Variants in DDX31 observed in about 807,000 individuals in gnomAD.
DDX31 encodes the protein ATP-dependent DNA helicase DDX31.
DDX31 carries 70 observed loss-of-function variants against 91.3 expected under a neutral mutation model. The observed-to-expected ratio is 0.77, with a 90% CI of 0.63 to 0.94. The LOEUF (loss-of-function observed/expected upper bound fraction) is 0.94, where lower values mean the gene tolerates loss of function less well. DDX31 is among the 40% of genes least tolerant of loss of function. The pLI, the probability that DDX31 is intolerant of heterozygous loss-of-function variation, is 0.00. For synonymous variants in DDX31, 362 were observed against 350.6 expected, an observed-to-expected ratio of 1.03 and a Z score of -0.36; for missense variants, 902 against 925.0, an observed-to-expected ratio of 0.98 and a Z score of 0.32.
chr9:132,634,619 G>T (rs1414814137), intron 14 of DDX31, among the ~76,000 whole-genome samples: 1 of 139,444 alleles, frequency 7.2e-6, no homozygotes, highest in African/African-American at 2.7e-5. Flanking sequence ...TAAAGATGGG[G>T]TCTCATTCTG....
At chr9:132,667,382 C>T (rs1053168227) in intron 1 of DDX31, among the ~76,000 whole-genome samples, 11 of 151,728 alleles carry the variant, frequency 7.2e-5, no homozygotes, top group African/African-American at 2.7e-4. Context: ...GGGCAGATCA[C>T]AAGGTCGGGA....
intron 6 of DDX31, chr9:132,658,204 CTG>C: frequency 1.5e-6 from 1 of 686,898 alleles, no homozygotes; most frequent in Non-Finnish European, 2.7e-6. Context: ...TTAACCTTCA[CTG>C]TAAGTCTTCA....
intron 17 of DDX31, among the ~76,000 whole-genome samples, chr9:132,618,731 T>C (rs140082774): frequency 4.9e-4 from 75 of 152,360 alleles, no homozygotes; most frequent in African/African-American, 1.6e-3. Flanking sequence ...GGAGACACTT[T>C]GGAATTTTCC....
chr9:132,611,621 C>T (rs1192449575), intron 19 of DDX31, among the ~76,000 whole-genome samples: 3 of 152,040 alleles, frequency 2.0e-5, no homozygotes, highest in African/African-American at 7.2e-5. Flanking sequence ...ACCGCTCTTG[C>T]CTTGATGAGC....
intron 14 of DDX31, among the ~76,000 whole-genome samples, chr9:132,636,281 AT>A (rs1232903978): frequency 2.0e-5 from 3 of 152,244 alleles, no homozygotes; most frequent in Non-Finnish European, 4.4e-5. Context: ...GATGTTCTCT[AT>A]CTAAAGGGGA....
In DDX31 at chr9:132,633,041, C is replaced by T. The variant is rs535459215; in HGVS notation, c.1441-950G>A. Among the ~76,000 whole-genome samples, 10 of 152,308 alleles carry T rather than the reference C, an allele frequency of 6.6e-5. No individual in the cohort carries two copies. The South Asian group carries it at 1.2e-3, about 19-fold the overall frequency. On this transcript the variant is annotated intron_variant, in intron 14 of 19. Coordinates refer to ENST00000372159, the MANE Select transcript of DDX31 (RefSeq NM_022779.9). ...AACACTTACTACCCACCACACACTG[C>T]GCTGAGACCTTTACCTGCGTTATCT...
intron 19 of DDX31, among the ~76,000 whole-genome samples, chr9:132,602,131 C>A (rs1294951201): frequency 6.6e-6 from 1 of 152,166 alleles, no homozygotes; most frequent in Admixed American, 6.5e-5. Flanking sequence ...GAAATAAGAC[C>A]AAAGGGTGGA....
chr9:132,637,360 C>T (rs186469406), intron 14 of DDX31, among the ~76,000 whole-genome samples: 18 of 152,378 alleles, frequency 1.2e-4, no homozygotes, highest in Admixed American at 2.6e-4. Flanking sequence ...TTCTGAAAGA[C>T]ACTCAACGGT....
chr9:132,616,684 A>C (rs1244069968), intron 18 of DDX31, among the ~76,000 whole-genome samples: 1 of 152,224 alleles, frequency 6.6e-6, no homozygotes, highest in African/African-American at 2.4e-5. Flanking sequence ...ATTCCTCTTG[A>C]GAGACACAGA....
At chr9:132,610,959 G>A (rs997342927) in intron 19 of DDX31, among the ~76,000 whole-genome samples, 3 of 152,130 alleles carry the variant, frequency 2.0e-5, no homozygotes, top group Non-Finnish European at 4.4e-5. Flanking sequence ...TGTCTTTGCC[G>A]TGACAGGCTA....
chr9:132,632,276 A>ACACACACACACACAGTCCTG (rs1832829223), intron 14 of DDX31, among the ~76,000 whole-genome samples, 185 bp from the exon 15 acceptor site: 1 of 148,148 alleles, frequency 6.8e-6, no homozygotes, highest in South Asian at 2.1e-4. Flanking sequence ...ACACACACAC[A>ACACACACACACACAGTCCTG]CACACACACA....
chr9:132,617,453 T>C (rs1831713447), intron 18 of DDX31, among the ~76,000 whole-genome samples: 1 of 152,094 alleles, frequency 6.6e-6, no homozygotes, highest in Non-Finnish European at 1.5e-5. Context: ...TGTTTTGATC[T>C]CGCATGCATT....
At chr9:132,669,607 T>C in intron 1 of DDX31, 1 of 1,517,202 alleles carries the variant, frequency 6.6e-7, no homozygotes. Flanking sequence ...TTCCTTTACT[T>C]TTCTAGGCGC....
At position 132,666,252 on chromosome 9, in the gene DDX31, C is replaced by T. The variant is rs183365237; in HGVS notation, c.76-3557G>A. On this transcript the variant is annotated intron_variant, in intron 1 of 19. Transcript: ENST00000372159. ...TTGTATTGGTCTGCTTCTGGGCTCT[C>T]TTTTCTCCTTTGCTGGTCAATTTGT... Among the ~76,000 whole-genome samples the T allele has an allele frequency of 5.9e-3, 895 of 152,092 alleles. 7 individuals carry two copies. The highest frequency in any genetic ancestry group is 0.014 in the Middle Eastern group (4 of 294).
chr9:132,645,741 C>G (rs897167612), intron 13 of DDX31, among the ~76,000 whole-genome samples, 154 bp downstream of exon 13: 3 of 152,184 alleles, frequency 2.0e-5, no homozygotes, highest in African/African-American at 7.2e-5. Context: ...TTCAGTGGGT[C>G]ACCCATTTTC....
chr9:132,662,188 C>A, intron 3 of DDX31, 73 bp downstream of exon 3: 11 of 1,469,654 alleles, frequency 7.5e-6, no homozygotes, highest in Non-Finnish European at 9.4e-6. Context: ...CCTAGAGCGG[C>A]CATTTCACAG....
At chr9:132,669,546 T>C in intron 1 of DDX31, 1 of 1,427,484 alleles carries the variant, frequency 7.0e-7, no homozygotes, top group Non-Finnish European at 9.3e-7. Flanking sequence ...GGCCTGGGAC[T>C]TGCGCCGGAA....
intron 8 of DDX31, 35 bp from the exon 9 acceptor site, chr9:132,650,333 GC>G: frequency 6.3e-7 from 1 of 1,599,268 alleles, no homozygotes; most frequent in Non-Finnish European, 8.6e-7. Flanking sequence ...TCAGTGCAAA[GC>G]CCCCTTTACT....
At chr9:132,640,426 A>G (rs1473548700) in intron 14 of DDX31, among the ~76,000 whole-genome samples, 1 of 152,136 alleles carries the variant, frequency 6.6e-6, no homozygotes, top group Non-Finnish European at 1.5e-5. Flanking sequence ...GTAGGGTGAA[A>G]AGAGACAAAT....
Sources: gnomAD v4.1 joint callset for allele counts (sites outside exome capture counted in the v4.1 genomes callset) on GRCh38, gnomAD v4.1.1 for gene constraint, MANE v1.5 for transcripts, NCBI Gene and HGNC (gene_info 2026-07-23, HGNC 2026-07-21) for gene names.